Variants in PTBP3 observed in about 807,000 individuals in gnomAD.
The protein encoded by PTBP3 is polypyrimidine tract-binding protein 3.
In PTBP3, 20 loss-of-function variants were observed where a neutral mutation model predicts 58.7. The ratio of observed to expected loss-of-function variants is 0.34; its 90% CI spans 0.24 to 0.50. PTBP3 has a LOEUF of 0.50. Among genes scored for constraint, PTBP3 ranks in the 20% least tolerant of loss-of-function variants. The pLI is 0.98. For missense variants in PTBP3, 509 were observed against 637.2 expected (o/e 0.80, Z 2.17); for synonymous variants, 185 against 219.8 (o/e 0.84, Z 1.40).
chr9:112,291,165 T>A (rs1441092825), intron 2 of PTBP3, among the ~76,000 whole-genome samples: 1 of 152,008 alleles, frequency 6.6e-6, no homozygotes, highest in Non-Finnish European at 1.5e-5. Context: ...GAGGTTGCAG[T>A]GAGCCAAGAT....
At chr9:112,302,869 C>T (rs978566505) in intron 1 of PTBP3, among the ~76,000 whole-genome samples, 7 of 152,144 alleles carry the variant, frequency 4.6e-5, no homozygotes, top group Non-Finnish European at 1.0e-4. Context: ...GGATTACAGG[C>T]GTGAGCCACC....
At chr9:112,239,189 C>A (rs570646928) in intron 7 of PTBP3, among the ~76,000 whole-genome samples, 1 of 152,202 alleles carries the variant, frequency 6.6e-6, no homozygotes, top group Non-Finnish European at 1.5e-5. Context: ...AGTTAAAAAT[C>A]TAGATAAAAA....
intron 1 of PTBP3, among the ~76,000 whole-genome samples, chr9:112,310,080 C>T (rs182347428): frequency 1.3e-5 from 2 of 152,260 alleles, no homozygotes; most frequent in African/African-American, 4.8e-5. Flanking sequence ...GTGTGATTAT[C>T]CCTAAATATT....
At chr9:112,354,410 AAAAAC>A in the PTBP3 span, among the ~76,000 whole-genome samples, 5 of 152,250 alleles carry the variant, frequency 3.3e-5, no homozygotes, top group Non-Finnish European at 7.3e-5. Flanking sequence ...TCAGTAGCAG[AAAAAC>A]AAAACAAAAC....
At chr9:112,254,682 C>A (rs1420830543) in intron 5 of PTBP3, among the ~76,000 whole-genome samples, 2 of 152,156 alleles carry the variant, frequency 1.3e-5, no homozygotes, top group Non-Finnish European at 2.9e-5. Flanking sequence ...TATCACCTAA[C>A]TTCCATTAGG....
chr9:112,280,615 C>T (rs140815521), intron 2 of PTBP3, among the ~76,000 whole-genome samples: 87 of 152,240 alleles, frequency 5.7e-4, no homozygotes, highest in African/African-American at 1.8e-3. Context: ...CTTTCAAATG[C>T]CTTCTCCAGA....
Position 112,301,310 on chromosome 9 carries a change from C to T in PTBP3, c.-51-3394G>A, listed in dbSNP as rs565533633. Among the ~76,000 whole-genome samples the T allele has an allele frequency of 4.7e-5, 7 of 149,676 alleles. 1 individual carries two copies. The South Asian group carries it at 1.5e-3, about 32-fold the overall frequency. ...AAAAATTAAGACCATGATACTACCA[C>T]TTAACTATCAGAACACCTAAAATAA... On this transcript the variant is annotated intron_variant, in intron 1 of 13. Coordinates refer to ENST00000374257, the MANE Select transcript of PTBP3 (RefSeq NM_001163788.4).
intron 2 of PTBP3, among the ~76,000 whole-genome samples, chr9:112,294,447 G>A: frequency 6.6e-6 from 1 of 152,226 alleles, no homozygotes; most frequent in East Asian, 1.9e-4. Context: ...GAACCCAGGA[G>A]GTTGAGGCTG....
In PTBP3 at chr9:112,275,053, G is replaced by A. The variant is rs912754528; in HGVS notation, c.204+791C>T. Among the ~76,000 whole-genome samples the A allele has an allele frequency of 3.1e-4, 47 of 152,052 alleles. 1 individual carries two copies. The highest frequency in any genetic ancestry group is 7.4e-5 in the Non-Finnish European group (5 of 68,022). ...ATTCTATTTTAAAGAATGAAGTGTT[G>A]CTCGGTTCTAGAATCACAAATAGAA... On this transcript the variant is annotated intron_variant, in intron 3 of 13. Coordinates refer to ENST00000374257, the MANE Select transcript of PTBP3 (RefSeq NM_001163788.4).
At position 112,220,989 on chromosome 9, in the gene PTBP3, C is replaced by G; in HGVS notation, c.*2862G>C. 1.0e-6 allele frequency: 1 copy of G among 971,498 alleles called. No individual in the cohort carries two copies. The highest frequency in any genetic ancestry group is 4.8e-5 in the South Asian group (1 of 20,990). The allele number at this position is 971,498 out of a possible 1,614,324, so 60.2% of individuals were successfully genotyped here. A position where few individuals can be genotyped will look rare whatever the true frequency, so the allele number is the denominator to read the frequency against. On this transcript the variant is annotated 3_prime_UTR_variant, in exon 14 of 14. Coordinates refer to ENST00000374257, the MANE Select transcript of PTBP3 (RefSeq NM_001163788.4). ...TACACAGATCTAGTTTTTCCACCAT[C>G]CTGATATTTTTTAATCTTTTTTTTA...
intron 1 of PTBP3, among the ~76,000 whole-genome samples, chr9:112,324,299 G>A (rs1314031101): frequency 1.3e-5 from 2 of 152,052 alleles, no homozygotes; most frequent in Admixed American, 6.6e-5. Context: ...CTTAGTAAAT[G>A]TATATGCTAC....
At chr9:112,232,337 A>C in intron 8 of PTBP3, 99 bp from the exon 9 acceptor site, 1 of 1,221,488 alleles carries the variant, frequency 8.2e-7, no homozygotes, top group Non-Finnish European at 1.1e-6. Flanking sequence ...AAACTACAGA[A>C]AGAAAATGTG....
At chr9:112,321,505 G>A (rs1829947165) in intron 1 of PTBP3, among the ~76,000 whole-genome samples, 1 of 149,678 alleles carries the variant, frequency 6.7e-6, no homozygotes, top group Non-Finnish European at 1.5e-5. Context: ...CCCCAGCCTG[G>A]GCAACAGAGT....
intron 1 of PTBP3, among the ~76,000 whole-genome samples, chr9:112,312,449 T>C (rs947667627): frequency 6.7e-6 from 1 of 150,320 alleles, no homozygotes; most frequent in Non-Finnish European, 1.5e-5. Flanking sequence ...GTGATCTGTG[T>C]TCATACCACT....
chr9:112,305,923 G>A (rs1217435385), intron 1 of PTBP3, among the ~76,000 whole-genome samples: 1 of 152,098 alleles, frequency 6.6e-6, no homozygotes, highest in Non-Finnish European at 1.5e-5. Context: ...CTGGGCGACA[G>A]AGCGAGACTC....
At chr9:112,298,706 T>C (rs1257803374) in intron 1 of PTBP3, 2 of 320,014 alleles carry the variant, frequency 6.2e-6, no homozygotes, top group Non-Finnish European at 1.2e-5. Flanking sequence ...CTACAAATAT[T>C]AGAACAGCAA....
chr9:112,360,475 A>G, the PTBP3 span, among the ~76,000 whole-genome samples: 1 of 152,136 alleles, frequency 6.6e-6, no homozygotes, highest in African/African-American at 2.4e-5. Context: ...CATGAGGTAC[A>G]GTTTCTGGCT....
intron 3 of PTBP3, among the ~76,000 whole-genome samples, chr9:112,275,015 C>T (rs781545947): frequency 2.1e-4 from 32 of 152,120 alleles, no homozygotes; most frequent in Non-Finnish European, 3.7e-4. Flanking sequence ...CTGTCTTGCC[C>T]GGTGGAATAT....
At chr9:112,250,787 T>C in intron 7 of PTBP3, 142 bp downstream of exon 7, 4 of 709,606 alleles carry the variant, frequency 5.6e-6, no homozygotes, top group African/African-American at 1.8e-5. Flanking sequence ...TTAATGGGTA[T>C]ACTTTGTTCT....
Sources: allele counts gnomAD v4.1 joint callset (sites outside exome capture counted in the v4.1 genomes callset), GRCh38; gene constraint gnomAD v4.1.1; transcripts MANE v1.5; gene names NCBI Gene and HGNC (gene_info 2026-07-23, HGNC 2026-07-21).